LRPPRC: variants seen among roughly 807,000 people sequenced by gnomAD.
The protein encoded by LRPPRC is leucine-rich PPR motif-containing protein, mitochondrial.
A neutral mutation model predicts 180.3 loss-of-function variants in LRPPRC; 120 were observed. The observed-to-expected ratio is 0.67, with a 90% CI of 0.57 to 0.77. LRPPRC has a LOEUF of 0.77. Among genes scored for constraint, LRPPRC ranks in the 30% least tolerant of loss-of-function variants. The pLI, the probability that LRPPRC is intolerant of heterozygous loss-of-function variation, is 0.00. For missense variants in LRPPRC, 2,012 were observed against 1,657.2 expected, an observed-to-expected ratio of 1.21 and a Z score of -3.72; for synonymous variants, 723 against 600.0, an observed-to-expected ratio of 1.21 and a Z score of -3.00.
chr2:43,956,684 G>C (rs1236085103), intron 14 of LRPPRC, among the ~76,000 whole-genome samples: 14 of 152,140 alleles, frequency 9.2e-5, no homozygotes. Context: ...GAGGTCAGGA[G>C]TTCGAGACCA....
At chr2:43,915,228 TCTCTCACACACACACACACACACA>T (rs1194001281) in intron 29 of LRPPRC, among the ~76,000 whole-genome samples, 18 of 63,326 alleles carry the variant, frequency 2.8e-4, no homozygotes, top group African/African-American at 1.2e-3. Context: ...TCTCTCTCTC[TCTCTCACACACACACACACACACA>T]CACACACACA....
chr2:43,908,994 T>TA (rs1204709691), intron 30 of LRPPRC, among the ~76,000 whole-genome samples: 4 of 152,192 alleles, frequency 2.6e-5, no homozygotes, highest in African/African-American at 9.7e-5. Flanking sequence ...AAGTTGCCTA[T>TA]AAAAAAGCAG....
At chr2:43,957,753 C>T (rs1255387564) in intron 13 of LRPPRC, among the ~76,000 whole-genome samples, 3 of 152,122 alleles carry the variant, frequency 2.0e-5, no homozygotes, top group Non-Finnish European at 2.9e-5. Flanking sequence ...GCCTGGTACA[C>T]ACACTGAGGC....
At position 43,940,306 on chromosome 2, in the gene LRPPRC, G is replaced by A. The variant is rs1318689968; in HGVS notation, c.2504+3381C>T. Among the ~76,000 whole-genome samples the A allele has an allele frequency of 3.9e-4, 59 of 152,154 alleles. 1 individual carries two copies. The highest frequency in any genetic ancestry group is 3.9e-3 in the Admixed American group (59 of 15,274). ...AATAATGAAAGTATCCAGTACAAAT[G>A]AAGATGCTAAAATTGAAGGGGAGCA... is the stretch of plus-strand genomic sequence containing the variant. On this transcript the variant is annotated intron_variant, in intron 23 of 37. Coordinates refer to ENST00000260665, the MANE Select transcript of LRPPRC (RefSeq NM_133259.4).
chr2:43,948,656 A>T, intron 16 of LRPPRC, 138 bp from the exon 17 acceptor site: 1 of 676,532 alleles, frequency 1.5e-6, no homozygotes, highest in South Asian at 1.6e-5. Flanking sequence ...ATGATCACTG[A>T]GGCATAGAGA....
At chr2:43,962,033 A>G (rs1391123766) in intron 12 of LRPPRC, among the ~76,000 whole-genome samples, 1 of 152,234 alleles carries the variant, frequency 6.6e-6, no homozygotes, top group Non-Finnish European at 1.5e-5. Context: ...GTTGTTTTCA[A>G]TCCCAAAACA....
At chr2:43,928,356 C>T (rs1198209538) in intron 25 of LRPPRC, among the ~76,000 whole-genome samples, 3 of 152,106 alleles carry the variant, frequency 2.0e-5, no homozygotes, top group African/African-American at 7.2e-5. Context: ...TAATTATTAC[C>T]TGTTAGGTAA....
At position 43,931,891 on chromosome 2, in the gene LRPPRC, C is replaced by T. The variant is rs1343167724; in HGVS notation, c.2736+2299G>A. Among the ~76,000 whole-genome samples, 3 of 151,950 alleles carry T rather than the reference C, an allele frequency of 2.0e-5. No individual in the cohort carries two copies. In the South Asian group the frequency reaches 6.2e-4, roughly 32 times the overall value. ...TCCCAGTTGGACCAGTTTCCCCTTCCCTCCTTCCTTTCCTTCTCAGTCTTT... is the reference window on the plus strand; with the variant it reads ...TCCCAGTTGGACCAGTTTCCCCTTCTCTCCTTCCTTTCCTTCTCAGTCTTT... On this transcript the variant is annotated intron_variant, in intron 25 of 37. Transcript: ENST00000260665.
intron 11 of LRPPRC, among the ~76,000 whole-genome samples, chr2:43,968,657 A>C (rs1305475098): frequency 6.6e-6 from 1 of 152,222 alleles, no homozygotes; most frequent in East Asian, 1.9e-4. Context: ...TGTCTCACTT[A>C]CATTAGAATA....
At chr2:43,984,968 A>C (rs1310715286) in intron 1 of LRPPRC, among the ~76,000 whole-genome samples, 4 of 152,100 alleles carry the variant, frequency 2.6e-5, no homozygotes, top group African/African-American at 7.2e-5. Context: ...CTACCATTTA[A>C]AGTTATTATC....
intron 1 of LRPPRC, among the ~76,000 whole-genome samples, chr2:43,993,297 T>C (rs1010063933): frequency 2.0e-5 from 3 of 152,232 alleles, no homozygotes; most frequent in Non-Finnish European, 4.4e-5. Context: ...TTTTAGTTTA[T>C]TGTTCCCACC....
At chr2:43,979,133 C>T (rs77985200) in intron 3 of LRPPRC, among the ~76,000 whole-genome samples, 145 of 150,860 alleles carry the variant, frequency 9.6e-4, no homozygotes, top group East Asian at 9.2e-3. Flanking sequence ...TTTTTGAATA[C>T]GTACTATGTT....
At chr2:43,924,652 T>C (rs1003838610) in intron 27 of LRPPRC, among the ~76,000 whole-genome samples, 2 of 152,134 alleles carry the variant, frequency 1.3e-5, no homozygotes, top group South Asian at 2.1e-4. Context: ...AGTTTGTATA[T>C]AGATATGCAA....
intron 15 of LRPPRC, 81 bp downstream of exon 15, chr2:43,950,492 G>T: frequency 1.6e-6 from 2 of 1,254,158 alleles, no homozygotes; most frequent in East Asian, 2.3e-5. Flanking sequence ...TAGGTTTCAT[G>T]ATAAAAATTA....
Position 43,894,521 on chromosome 2 carries a change from A to G in LRPPRC, c.3985+24T>C, listed in dbSNP as rs766898926. On this transcript the variant is annotated intron_variant, in intron 36 of 37. Coordinates refer to ENST00000260665, the MANE Select transcript of LRPPRC (RefSeq NM_133259.4). ...TAATAAAGCCATTTAAATAAATAAT[A>G]TAGTCAAATTAAACTTATATTACCA... 17 of 1,070,246 alleles carry G rather than the reference A, an allele frequency of 1.6e-5. No individual in the cohort carries two copies. In the South Asian group the frequency reaches 2.0e-4, roughly 13 times the overall value. 66.3% of individuals were successfully genotyped at this position (1,070,246 alleles called of 1,614,324 possible).
At chr2:43,973,178 T>A (rs1673893701) in intron 11 of LRPPRC, among the ~76,000 whole-genome samples, 1 of 152,176 alleles carries the variant, frequency 6.6e-6, no homozygotes, top group South Asian at 2.1e-4. Flanking sequence ...TTATTCTAAC[T>A]AAGCTCAGTT....
chr2:43,943,583 C>G (rs1672567537), intron 23 of LRPPRC, 104 bp downstream of exon 23: 1 of 958,474 alleles, frequency 1.0e-6, no homozygotes, highest in African/African-American at 1.6e-5. Context: ...TAAATGACCT[C>G]CAAGGCTTCC....
chr2:43,945,540 G>A (rs1672650297), intron 21 of LRPPRC, 123 bp from the exon 22 acceptor site: 3 of 693,176 alleles, frequency 4.3e-6, no homozygotes, highest in Admixed American at 2.1e-5. Context: ...TGGCCTCTAC[G>A]CTTCAGTTAG....
intron 13 of LRPPRC, among the ~76,000 whole-genome samples, chr2:43,958,373 T>C (rs1673207284): frequency 6.6e-6 from 1 of 152,084 alleles, no homozygotes. Flanking sequence ...TAAGTGAAGG[T>C]TAAGGTACCT....
Sources: gnomAD v4.1 joint callset for allele counts (sites outside exome capture counted in the v4.1 genomes callset) on GRCh38, gnomAD v4.1.1 for gene constraint, MANE v1.5 for transcripts, NCBI Gene and HGNC (gene_info 2026-07-23, HGNC 2026-07-21) for gene names.